The following LPP variants were observed in gnomAD, a reference collection of about 807,000 sequenced individuals.
LPP encodes the protein lipoma-preferred partner.
LPP carries 38 observed loss-of-function variants against 60.4 expected under a neutral mutation model. That is an observed-to-expected ratio of 0.63 (90% CI 0.49 to 0.83). The LOEUF (loss-of-function observed/expected upper bound fraction) is 0.83. Ranked by LOEUF, LPP falls within the 40% of genes least tolerant of loss-of-function variation. The pLI is 0.00. For synonymous variants in LPP, 328 were observed against 290.8 expected (o/e 1.13, Z -1.30); for missense variants, 902 against 783.6 (o/e 1.15, Z -1.80).
chr3:188,866,051 G>A (rs1766503486), intron 9 of LPP, 149 bp from the exon 10 acceptor site: 1 of 499,820 alleles, frequency 2.0e-6, no homozygotes, highest in South Asian at 7.7e-5. Context: ...CTGTATTAAA[G>A]CTGTAGATGT....
intron 7 of LPP, among the ~76,000 whole-genome samples, chr3:188,640,787 C>A (rs73888860): frequency 0.13 from 20,443 of 151,974 alleles, 1,413 homozygotes; most frequent in South Asian, 0.17. Flanking sequence ...GCTCTGACCT[C>A]AAGCCAAAGA....
At chr3:188,203,471 TTAAATATATATATATTTTTAAATATATA>T (rs1731861804) in intron 1 of LPP, among the ~76,000 whole-genome samples, 1 of 89,816 alleles carries the variant, frequency 1.1e-5, no homozygotes, top group Non-Finnish European at 1.9e-5. Context: ...ATATATATTT[TTAAATATATATATATTTTTAAATATATA>T]TAAATATATA....
intron 2 of LPP, among the ~76,000 whole-genome samples, chr3:188,300,034 C>A (rs1355093907): frequency 6.6e-6 from 1 of 152,128 alleles, no homozygotes; most frequent in African/African-American, 2.4e-5. Flanking sequence ...ACAGACATTT[C>A]TTTTTCAATT....
chr3:188,264,270 TGAGA>T (rs992923768), intron 2 of LPP, among the ~76,000 whole-genome samples: 1 of 150,718 alleles, frequency 6.6e-6, no homozygotes, highest in Non-Finnish European at 1.5e-5. Context: ...TGTGTGTGTG[TGAGA>T]GAGAGAGAGA....
chr3:188,839,723 C>T (rs773438335), intron 9 of LPP, among the ~76,000 whole-genome samples: 1 of 151,574 alleles, frequency 6.6e-6, no homozygotes, highest in African/African-American at 2.4e-5. Flanking sequence ...AAAAAAAATA[C>T]AAAAATTAAC....
chr3:188,456,216 C>T (rs964242210), intron 4 of LPP, among the ~76,000 whole-genome samples: 8 of 152,134 alleles, frequency 5.3e-5, no homozygotes, highest in Admixed American at 5.2e-4. Flanking sequence ...TATTAGAAAC[C>T]CTGTACTACG....
In LPP at chr3:188,248,468, T is replaced by TTATATATATATATATATATATATATATA. The variant is rs55811112; in HGVS notation, c.-67+22944_-67+22971dup. 2.4e-3 allele frequency among the ~76,000 whole-genome samples: 199 copies of TTATATATATATATATATATATATATATA among 84,058 alleles called. 13 individuals are homozygous for TTATATATATATATATATATATATATATA. The highest frequency in any genetic ancestry group is 5.5e-3 in the African/African-American group (103 of 18,794). 55.1% of individuals were successfully genotyped at this position (84,058 alleles called of 152,430 possible). Reference sequence around the variant, plus strand: ...CCTAGTGTTCAGCTGCAGTATAACTTTATATATATATATATATATATATAT... The same window carrying TTATATATATATATATATATATATATATA: ...CCTAGTGTTCAGCTGCAGTATAACTTTATATATATATATATATATATATATATATATATATATATATATATATATATAT... On this transcript the variant is annotated intron_variant, in intron 2 of 11. Transcript: ENST00000617246.
At chr3:188,741,250 G>A (rs1351371329) in intron 8 of LPP, among the ~76,000 whole-genome samples, 2 of 151,536 alleles carry the variant, frequency 1.3e-5, no homozygotes, top group East Asian at 1.9e-4. Flanking sequence ...AATTGGGGGG[G>A]GAAGGGAGAT....
chr3:188,577,590 A>G (rs928536082), intron 6 of LPP, among the ~76,000 whole-genome samples: 4 of 151,348 alleles, frequency 2.6e-5, no homozygotes, highest in African/African-American at 7.3e-5. Flanking sequence ...ATAAATTTAT[A>G]TAAGTATATG....
At chr3:188,790,779 C>T (rs1026930922) in intron 9 of LPP, among the ~76,000 whole-genome samples, 1 of 151,164 alleles carries the variant, frequency 6.6e-6, no homozygotes, top group African/African-American at 2.4e-5. Flanking sequence ...CAAGATCATG[C>T]CACTGCACTC....
chr3:188,721,616 T>A (rs1317709179), intron 8 of LPP, among the ~76,000 whole-genome samples: 1 of 152,168 alleles, frequency 6.6e-6, no homozygotes, highest in African/African-American at 2.4e-5. Context: ...TTTGAAATAT[T>A]GAGAAATGTG....
At chr3:188,846,702 A>G (rs910348302) in intron 9 of LPP, among the ~76,000 whole-genome samples, 66 of 150,084 alleles carry the variant, frequency 4.4e-4, no homozygotes, top group South Asian at 2.1e-3. Flanking sequence ...AAAAAAAAAA[A>G]AGAGAGAGAA....
At chr3:188,847,863 G>C (rs566319227) in intron 9 of LPP, among the ~76,000 whole-genome samples, 26 of 152,250 alleles carry the variant, frequency 1.7e-4, no homozygotes, top group African/African-American at 6.3e-4. Context: ...TGAAATGAGT[G>C]ATAACCATTA....
At chr3:188,574,231 G>GTT (rs1834119006) in intron 6 of LPP, among the ~76,000 whole-genome samples, 1 of 152,098 alleles carries the variant, frequency 6.6e-6, no homozygotes, top group African/African-American at 2.4e-5. Flanking sequence ...TATAATAACC[G>GTT]TCTGGGTGAC....
Position 188,609,983 on chromosome 3 carries a change from T to C in LPP, c.1113+139T>C. 5 of 822,744 alleles carry C rather than the reference T, an allele frequency of 6.1e-6. No individual in the cohort carries two copies. The South Asian group carries it at 7.3e-5, about 12-fold the overall frequency. The allele number at this position is 822,744 out of a possible 1,614,324, so 51.0% of individuals were successfully genotyped here. A position where few individuals can be genotyped will look rare whatever the true frequency, so the allele number is the denominator to read the frequency against. ...AAATACAATCCCAGGGAAGGATGAGTGAAGCCAGAGAGGAGAGAGAGACTA... is the reference window on the plus strand; with the variant it reads ...AAATACAATCCCAGGGAAGGATGAGCGAAGCCAGAGAGGAGAGAGAGACTA... On this transcript the variant is annotated intron_variant, in intron 7 of 11. Coordinates refer to ENST00000617246, the MANE Select transcript of LPP (RefSeq NM_001375462.1). The surrounding 1 kb of genome is among the most constrained non-coding windows in gnomAD (Gnocchi z 6.9).
intron 7 of LPP, among the ~76,000 whole-genome samples, chr3:188,670,109 G>A (rs1449071877): frequency 6.6e-6 from 1 of 152,176 alleles, no homozygotes; most frequent in African/African-American, 2.4e-5. Context: ...GTTGGGGGTT[G>A]GGGAGAGGAG....
chr3:188,401,348 C>T (rs915048238), intron 3 of LPP, among the ~76,000 whole-genome samples: 3 of 152,174 alleles, frequency 2.0e-5, no homozygotes, highest in Non-Finnish European at 4.4e-5. Flanking sequence ...TGGTCTGATC[C>T]CTGTCCTACA....
At chr3:188,570,280 A>C (rs1317403790) in intron 6 of LPP, among the ~76,000 whole-genome samples, 1 of 152,012 alleles carries the variant, frequency 6.6e-6, no homozygotes, top group Non-Finnish European at 1.5e-5. Context: ...GCAATATTGG[A>C]GAAAGAAATT....
intron 1 of LPP, chr3:188,180,958 T>C (rs1724801873): frequency 6.6e-6 from 1 of 152,126 alleles, no homozygotes; most frequent in African/African-American, 2.4e-5. Flanking sequence ...AGGTAGATTA[T>C]TAGAATTTGA....
Sources: allele counts gnomAD v4.1 joint callset (sites outside exome capture counted in the v4.1 genomes callset), GRCh38; gene constraint gnomAD v4.1.1; non-coding constraint Gnocchi (gnomAD v3.1); transcripts MANE v1.5; gene names NCBI Gene and HGNC (gene_info 2026-07-23, HGNC 2026-07-21).